Variants in DLG1 observed in about 807,000 individuals in gnomAD.
DLG1 encodes disks large homolog 1.
DLG1 carries 42 observed loss-of-function variants against 123.4 expected under a neutral mutation model. That is an observed-to-expected ratio of 0.34 (90% CI 0.27 to 0.44). The LOEUF (loss-of-function observed/expected upper bound fraction) is 0.44, where lower values mean the gene tolerates loss of function less well. Among genes scored for constraint, DLG1 ranks in the 20% least tolerant of loss-of-function variants. The probability of loss-of-function intolerance (pLI) is 1.00; values close to 1 mark genes in which losing one functional copy is unlikely to be tolerated. For missense variants in DLG1, 942 were observed against 1,082.6 expected, an observed-to-expected ratio of 0.87 and a Z score of 1.82; for synonymous variants, 317 against 356.2, an observed-to-expected ratio of 0.89 and a Z score of 1.24.
intron 5 of DLG1, among the ~76,000 whole-genome samples, chr3:197,190,807 G>A (rs1043420827): frequency 9.2e-5 from 14 of 152,270 alleles, no homozygotes; most frequent in African/African-American, 2.6e-4. Context: ...TCAGGAGATC[G>A]AGACCATCCT....
At chr3:197,180,782 A>AT (rs1809836632) in intron 5 of DLG1, among the ~76,000 whole-genome samples, 1 of 152,124 alleles carries the variant, frequency 6.6e-6, no homozygotes, top group Non-Finnish European at 1.5e-5. Flanking sequence ...TGCTGTGAAA[A>AT]ACCAAAGACA....
intron 4 of DLG1, among the ~76,000 whole-genome samples, chr3:197,217,809 A>G (rs1734872069): frequency 6.6e-6 from 1 of 152,210 alleles, no homozygotes; most frequent in South Asian, 2.1e-4. Flanking sequence ...AGGGACTGAA[A>G]AGCAGCTTTG....
At chr3:197,180,532 A>G (rs1033793570) in intron 5 of DLG1, among the ~76,000 whole-genome samples, 1 of 152,216 alleles carries the variant, frequency 6.6e-6, no homozygotes, top group African/African-American at 2.4e-5. Context: ...TCACCAATGT[A>G]ATTCATAAGA....
chr3:197,141,357 G>A (rs1242545934), intron 7 of DLG1, among the ~76,000 whole-genome samples: 1 of 151,982 alleles, frequency 6.6e-6, no homozygotes, highest in Non-Finnish European at 1.5e-5. Flanking sequence ...AAAGGCCCTG[G>A]GAAAAGATAA....
intron 10 of DLG1, among the ~76,000 whole-genome samples, chr3:197,134,114 G>C (rs79487130): frequency 2.8e-3 from 433 of 152,318 alleles, no homozygotes; most frequent in Non-Finnish European, 4.6e-3. Context: ...GTTTGTGTGT[G>C]AGTGATGAGT....
intron 5 of DLG1, among the ~76,000 whole-genome samples, chr3:197,169,640 G>C (rs533394175): frequency 6.6e-6 from 1 of 152,264 alleles, no homozygotes. Context: ...CAACTCCAAA[G>C]ACGATAAATG....
Position 197,104,962 on chromosome 3 carries a change from G to A in DLG1, c.1487C>T (p.Ala496Val), listed in dbSNP as rs1175538061. ...DLRAASHEQA[A>V]AALKNAGQAV... The stretch of plus-strand genomic sequence containing the variant: ...CTGGCCAGCATTTTTCAATGCAGCT[G>A]CTGCCTGCTCATGACTAGCAGCTCT... The change falls in exon 14 of 25, where the codon GCA (alanine) becomes GTA (valine). Residue 496 changes from alanine (A) to valine (V), a missense_variant. By Grantham distance (64) the Ala-to-Val change is moderately conservative (BLOSUM62 0). Coordinates refer to ENST00000667157, the MANE Select transcript of DLG1 (RefSeq NM_001366207.1). 6.2e-7 allele frequency: 1 copy of A among 1,613,234 alleles called. No individual in the cohort carries two copies. The highest frequency in any genetic ancestry group is 8.5e-7 in the Non-Finnish European group (1 of 1,179,672).
chr3:197,051,429 G>C (rs564532978), intron 24 of DLG1, 148 bp downstream of exon 24: 4 of 547,004 alleles, frequency 7.3e-6, no homozygotes, highest in East Asian at 3.2e-5. Context: ...TCAAAAAAAA[G>C]GTTCCCCAGC....
At chr3:197,057,813 T>C (rs1300055404) in intron 23 of DLG1, among the ~76,000 whole-genome samples, 2 of 152,182 alleles carry the variant, frequency 1.3e-5, no homozygotes, top group African/African-American at 4.8e-5. Flanking sequence ...GATATTCACA[T>C]TGATATGCCT....
chr3:197,234,451 G>C (rs999869845), intron 4 of DLG1, among the ~76,000 whole-genome samples: 1 of 152,070 alleles, frequency 6.6e-6, no homozygotes, highest in African/African-American at 2.4e-5. Context: ...TCTTACTTTT[G>C]AAAAGAATAA....
At chr3:197,190,835 C>G (rs1718997517) in intron 5 of DLG1, among the ~76,000 whole-genome samples, 1 of 152,172 alleles carries the variant, frequency 6.6e-6, no homozygotes, top group African/African-American at 2.4e-5. Flanking sequence ...ACGGTGAAAC[C>G]CCGTCTCTAC....
chr3:197,265,460 T>G (rs770378840), intron 4 of DLG1, among the ~76,000 whole-genome samples: 104 of 152,088 alleles, frequency 6.8e-4, no homozygotes, highest in Non-Finnish European at 1.4e-3. Flanking sequence ...CCAGCAGCCT[T>G]AAGTTGAGGA....
chr3:197,217,360 G>T (rs187560177), intron 4 of DLG1, among the ~76,000 whole-genome samples: 140 of 152,272 alleles, frequency 9.2e-4, no homozygotes, highest in African/African-American at 3.0e-3. Flanking sequence ...CAAGAACAAT[G>T]AATGTCCTCC....
At chr3:197,269,726 G>C (rs1480282815) in intron 4 of DLG1, among the ~76,000 whole-genome samples, 1 of 152,186 alleles carries the variant, frequency 6.6e-6, no homozygotes, top group African/African-American at 2.4e-5. Context: ...CCTCGTGTAT[G>C]TTAGGAGGCT....
intron 5 of DLG1, among the ~76,000 whole-genome samples, chr3:197,163,160 C>T (rs1431219162): frequency 6.6e-6 from 1 of 152,130 alleles, no homozygotes; most frequent in Non-Finnish European, 1.5e-5. Context: ...ATTACTTCAC[C>T]ACTACAAGGG....
chr3:197,120,216 G>A (rs146530324), intron 11 of DLG1, among the ~76,000 whole-genome samples: 1 of 149,068 alleles, frequency 6.7e-6, no homozygotes, highest in Non-Finnish European at 1.5e-5. Context: ...AGCCGAGATC[G>A]CATCACTGCA....
At chr3:197,112,746 A>G (rs1391805562) in intron 13 of DLG1, among the ~76,000 whole-genome samples, 2 of 151,982 alleles carry the variant, frequency 1.3e-5, no homozygotes, top group African/African-American at 4.8e-5. Context: ...GCCCACTACT[A>G]TGTCTGGCTA....
At chr3:197,240,769 T>C (rs932377142) in intron 4 of DLG1, among the ~76,000 whole-genome samples, 11 of 101,488 alleles carry the variant, frequency 1.1e-4, no homozygotes, top group South Asian at 4.3e-4. Flanking sequence ...AGAAATACAC[T>C]TGCTGAACTG....
chr3:197,242,444 C>A (rs1056118084), intron 4 of DLG1, among the ~76,000 whole-genome samples: 1 of 151,980 alleles, frequency 6.6e-6, no homozygotes, highest in African/African-American at 2.4e-5. Flanking sequence ...ATAGGCCTAA[C>A]TGACATTTAC....
Sources: allele counts gnomAD v4.1 joint callset (sites outside exome capture counted in the v4.1 genomes callset), GRCh38; gene constraint gnomAD v4.1.1; transcripts MANE v1.5; gene names NCBI Gene and HGNC (gene_info 2026-07-23, HGNC 2026-07-21).